ATXN7: variants seen among roughly 807,000 people sequenced by gnomAD.
ATXN7 encodes the protein ataxin 7, also known as ataxin-7.
A neutral mutation model predicts 70.5 loss-of-function variants in ATXN7; 12 were observed. The ratio of observed to expected loss-of-function variants is 0.17; its 90% confidence interval spans 0.11 to 0.28. The LOEUF is 0.28. Among genes scored for constraint, ATXN7 ranks in the 10% least tolerant of loss-of-function variants. The probability of loss-of-function intolerance (pLI) is 1.00; values close to 1 mark genes in which losing one functional copy is unlikely to be tolerated. For missense variants in ATXN7, 1,256 were observed against 1,131.7 expected, an observed-to-expected ratio of 1.11 and a Z score of -1.58; for synonymous variants, 498 against 448.7, an observed-to-expected ratio of 1.11 and a Z score of -1.39.
rs530075560 is a variant in ATXN7 at position 63,963,536 on chromosome 3, C to T, written c.499+11053C>T. Among the ~76,000 whole-genome samples the T allele has an allele frequency of 3.3e-5, 5 of 152,282 alleles. No homozygotes were observed. In the South Asian group the frequency reaches 8.3e-4, roughly 25 times the overall value. On this transcript the variant is annotated intron_variant, in intron 5 of 12. Coordinates refer to ENST00000674280, the MANE Select transcript of ATXN7 (RefSeq NM_001377405.1). ...TTGTATATTTTTCTCATGCTTCTAA[C>T]TCTATCCAGGCACATAGAATCACGT...
chr3:63,898,696 T>G (rs1176914266), intron 2 of ATXN7, among the ~76,000 whole-genome samples, 199 bp downstream of exon 2: 1 of 152,228 alleles, frequency 6.6e-6, no homozygotes, highest in Non-Finnish European at 1.5e-5. Flanking sequence ...TATTAGGTAT[T>G]TGTTTCTCAA....
At chr3:63,971,966 C>T (rs914379195) in intron 5 of ATXN7, among the ~76,000 whole-genome samples, 5 of 151,996 alleles carry the variant, frequency 3.3e-5, no homozygotes, top group Non-Finnish European at 7.4e-5. Context: ...GTCTTTATTT[C>T]TAGTTTGCCT....
chr3:63,930,450 A>G (rs977496063), intron 4 of ATXN7, among the ~76,000 whole-genome samples: 1 of 152,174 alleles, frequency 6.6e-6, no homozygotes, highest in Non-Finnish European at 1.5e-5. Flanking sequence ...GATTCTGTCT[A>G]TATCTGGGCA....
chr3:63,928,535 G>C (rs754854647), intron 4 of ATXN7, among the ~76,000 whole-genome samples: 2 of 152,166 alleles, frequency 1.3e-5, no homozygotes, highest in African/African-American at 4.8e-5. Context: ...AGCACTTACT[G>C]TGTGTGTCAC....
intron 4 of ATXN7, among the ~76,000 whole-genome samples, chr3:63,915,647 G>A (rs1243627562): frequency 2.6e-5 from 4 of 151,808 alleles, no homozygotes; most frequent in Admixed American, 2.0e-4. Context: ...AATTGATCAT[G>A]TGAGTGAATC....
At chr3:63,970,750 C>G (rs570700006) in intron 5 of ATXN7, among the ~76,000 whole-genome samples, 1 of 152,228 alleles carries the variant, frequency 6.6e-6, no homozygotes, top group South Asian at 2.1e-4. Context: ...CCTTCCCCCA[C>G]TGGAGTGGAG....
intron 4 of ATXN7, among the ~76,000 whole-genome samples, chr3:63,942,941 G>A (rs762898526): frequency 6.6e-6 from 1 of 152,226 alleles, no homozygotes; most frequent in Non-Finnish European, 1.5e-5. Context: ...TTTTATTCCA[G>A]AGGCCATTCT....
intron 2 of ATXN7, among the ~76,000 whole-genome samples, chr3:63,902,588 G>A (rs1241642179): frequency 6.6e-6 from 1 of 152,120 alleles, no homozygotes; most frequent in Non-Finnish European, 1.5e-5. Flanking sequence ...GATGCTAAGG[G>A]TGGGAAAAGG....
At chr3:63,863,845 C>A, upstream of ATXN7, 2 of 1,219,174 alleles carry the variant, frequency 1.6e-6, no homozygotes, top group South Asian at 4.0e-5. Context: ...CGGCGGTTGG[C>A]GGCGGCGGAG....
Position 63,877,123 on chromosome 3 carries a change from A to G in ATXN7, c.-111+12965A>G, listed in dbSNP as rs1480279793. On this transcript the variant is annotated intron_variant, in intron 1 of 12. Coordinates refer to ENST00000674280, the MANE Select transcript of ATXN7 (RefSeq NM_001377405.1). ...TACTATTGAAAAATCTTAAATCTCA[A>G]AAGCTAAGAAAGGTAATTTAGATTT... 3.3e-5 allele frequency among the ~76,000 whole-genome samples: 5 copies of G among 152,306 alleles called. No homozygotes were observed. In the South Asian group the frequency reaches 8.3e-4, roughly 25 times the overall value.
At chr3:63,919,207 C>T (rs1012885319) in intron 4 of ATXN7, among the ~76,000 whole-genome samples, 2 of 152,164 alleles carry the variant, frequency 1.3e-5, no homozygotes, top group Non-Finnish European at 2.9e-5. Flanking sequence ...TTTATTGAAA[C>T]GTAGTGACGG....
At chr3:63,898,678 TATG>T (rs1488133807) in intron 2 of ATXN7, among the ~76,000 whole-genome samples, 181 bp downstream of exon 2, 2 of 152,172 alleles carry the variant, frequency 1.3e-5, no homozygotes, top group African/African-American at 4.8e-5. Context: ...AGTTTAGGAG[TATG>T]ATATTATTAG....
rs2075828180 is a variant in ATXN7 at position 64,001,053 on chromosome 3, T to G, written c.*1586T>G. 6.6e-6 allele frequency: 1 copy of G among 151,990 alleles called. No individual in the cohort carries two copies. The highest frequency in any genetic ancestry group is 1.5e-5 in the Non-Finnish European group (1 of 68,006). The allele number at this position is 151,990 out of a possible 1,614,324, so 9.4% of individuals were successfully genotyped here. A position where few individuals can be genotyped will look rare whatever the true frequency, so the allele number is the denominator to read the frequency against. On this transcript the variant is annotated 3_prime_UTR_variant, in exon 13 of 13. Coordinates refer to ENST00000674280, the MANE Select transcript of ATXN7 (RefSeq NM_001377405.1). ...GCCAGTCAGTACATTCTTTTTTTCC[T>G]ACAGTTCTTGGGTTTCAAACTTCAG...
At chr3:63,906,367 C>T (rs1037562202) in intron 2 of ATXN7, among the ~76,000 whole-genome samples, 1 of 152,218 alleles carries the variant, frequency 6.6e-6, no homozygotes, top group Non-Finnish European at 1.5e-5. Context: ...CTTATACTAA[C>T]ACACCTGCAT....
At chr3:63,899,676 C>T (rs2107265319) in intron 2 of ATXN7, among the ~76,000 whole-genome samples, 1 of 152,012 alleles carries the variant, frequency 6.6e-6, no homozygotes, top group Non-Finnish European at 1.5e-5. Context: ...TGCAGTGGCG[C>T]CATCTCGGCT....
intron 1 of ATXN7, among the ~76,000 whole-genome samples, chr3:63,870,377 G>T (rs1476578581): frequency 6.6e-6 from 1 of 152,126 alleles, no homozygotes; most frequent in African/African-American, 2.4e-5. Flanking sequence ...GCATTGCCAA[G>T]CAACCACCCC....
chr3:63,874,193 C>T (rs1350945524), intron 1 of ATXN7, among the ~76,000 whole-genome samples: 1 of 152,188 alleles, frequency 6.6e-6, no homozygotes, highest in East Asian at 1.9e-4. Context: ...TTGTTGGTAA[C>T]AGAGTCACTA....
intron 1 of ATXN7, among the ~76,000 whole-genome samples, chr3:63,885,366 G>T (rs1703056774): frequency 6.6e-6 from 1 of 152,094 alleles, no homozygotes; most frequent in African/African-American, 2.4e-5. Context: ...AATCATCAGG[G>T]ACATGCAAGT....
At chr3:63,897,567 C>G (rs1703482390) in intron 1 of ATXN7, among the ~76,000 whole-genome samples, 1 of 152,196 alleles carries the variant, frequency 6.6e-6, no homozygotes, top group Non-Finnish European at 1.5e-5. Flanking sequence ...GAGCAAAGCA[C>G]TATTACCTCC....
Sources: gnomAD v4.1 joint callset for allele counts (sites outside exome capture counted in the v4.1 genomes callset) on GRCh38, gnomAD v4.1.1 for gene constraint, MANE v1.5 for transcripts, NCBI Gene and HGNC (gene_info 2026-07-23, HGNC 2026-07-21) for gene names.